Variants in GALNTL6 observed in about 807,000 individuals in gnomAD.
GALNTL6 encodes polypeptide N-acetylgalactosaminyltransferase-like 6.
In GALNTL6, 46 loss-of-function variants were observed where a neutral mutation model predicts 73.7. The ratio of observed to expected loss-of-function variants is 0.62; its 90% CI spans 0.49 to 0.80. GALNTL6 has a LOEUF of 0.80. GALNTL6 is among the 30% of genes least tolerant of loss of function. GALNTL6 has a pLI of 0.00. For missense variants in GALNTL6, 604 were observed against 755.0 expected (o/e 0.80, Z 2.34); for synonymous variants, 259 against 263.7 (o/e 0.98, Z 0.17).
intron 2 of GALNTL6, among the ~76,000 whole-genome samples, chr4:172,156,339 G>A (rs1435184538): frequency 6.6e-6 from 1 of 151,772 alleles, no homozygotes; most frequent in Non-Finnish European, 1.5e-5. Flanking sequence ...TAAGCTTTCA[G>A]GCCCCGGGGG....
chr4:172,514,869 G>A (rs1265053776), intron 5 of GALNTL6, among the ~76,000 whole-genome samples: 1 of 152,128 alleles, frequency 6.6e-6, no homozygotes, highest in Non-Finnish European at 1.5e-5. Context: ...CCCATGATCT[G>A]GATTTTCAGG....
intron 9 of GALNTL6, among the ~76,000 whole-genome samples, chr4:172,943,540 C>T (rs1749015372): frequency 6.6e-6 from 1 of 152,188 alleles, no homozygotes; most frequent in Non-Finnish European, 1.5e-5. Flanking sequence ...GTTGTTTCTG[C>T]TTAATAGTCT....
chr4:172,824,160 G>C (rs1010244618), intron 7 of GALNTL6, among the ~76,000 whole-genome samples: 5 of 152,150 alleles, frequency 3.3e-5, no homozygotes, highest in Non-Finnish European at 7.3e-5. Flanking sequence ...AGAAAACTAA[G>C]CCTTACATGT....
Position 172,379,546 on chromosome 4 carries a change from A to AG in GALNTL6, c.553+30857_553+30858insG, listed in dbSNP as rs1335160940. ...AGCGAGACTCCGTCTCAAAAAAAAAAAAAAAAAAAAAGAACGGGTTAGCTG... is the reference window on the plus strand; with the variant it reads ...AGCGAGACTCCGTCTCAAAAAAAAAAGAAAAAAAAAAAGAACGGGTTAGCTG... On this transcript the variant is annotated intron_variant, in intron 5 of 12. Transcript: ENST00000506823. Among the ~76,000 whole-genome samples, 54 of 145,480 alleles carry AG rather than the reference A, an allele frequency of 3.7e-4. 2 individuals are homozygous for AG. The highest frequency in any genetic ancestry group is 1.4e-3 in the African/African-American group (53 of 36,786).
At chr4:172,471,002 C>T (rs940183059) in intron 5 of GALNTL6, among the ~76,000 whole-genome samples, 1 of 152,108 alleles carries the variant, frequency 6.6e-6, no homozygotes, top group Non-Finnish European at 1.5e-5. Flanking sequence ...TTTGTACGTA[C>T]CAGTTAATAA....
chr4:172,384,778 T>G (rs536834368), intron 5 of GALNTL6, among the ~76,000 whole-genome samples: 6 of 152,164 alleles, frequency 3.9e-5, no homozygotes, highest in Admixed American at 2.0e-4. Context: ...CCAAAAGGTT[T>G]GTTTGTTCGT....
intron 12 of GALNTL6, among the ~76,000 whole-genome samples, chr4:173,033,216 G>A (rs1042092153): frequency 6.6e-6 from 1 of 151,730 alleles, no homozygotes; most frequent in Non-Finnish European, 1.5e-5. Context: ...TGGCCAGTCT[G>A]GTCTCAAACT....
chr4:172,730,112 G>C (rs936852894), intron 5 of GALNTL6, among the ~76,000 whole-genome samples: 1 of 152,090 alleles, frequency 6.6e-6, no homozygotes, highest in African/African-American at 2.4e-5. Context: ...TCTTTTATCA[G>C]TTCTAACAGT....
chr4:172,318,568 G>C (rs1434623705), intron 4 of GALNTL6, among the ~76,000 whole-genome samples: 4 of 152,096 alleles, frequency 2.6e-5, no homozygotes, highest in Admixed American at 2.0e-4. Flanking sequence ...TGGGCGTGGT[G>C]GTGGGCGCCT....
intron 2 of GALNTL6, among the ~76,000 whole-genome samples, chr4:171,934,312 C>T (rs552336493): frequency 7.2e-4 from 109 of 152,188 alleles, no homozygotes; most frequent in Non-Finnish European, 1.3e-3. Flanking sequence ...AATGCACATT[C>T]ATGGAAGAGT....
intron 2 of GALNTL6, among the ~76,000 whole-genome samples, chr4:172,177,026 C>CTAT (rs1399466873): frequency 6.6e-6 from 1 of 152,092 alleles, no homozygotes; most frequent in Non-Finnish European, 1.5e-5. Context: ...CTTATAGAGT[C>CTAT]ATTATATGAT....
chr4:172,406,892 A>G (rs1484894543), intron 5 of GALNTL6, among the ~76,000 whole-genome samples: 3 of 152,036 alleles, frequency 2.0e-5, no homozygotes, highest in Non-Finnish European at 2.9e-5. Flanking sequence ...CCAAATATTA[A>G]ATAGCTTTCG....
chr4:173,003,057 T>C (rs1048137266), intron 10 of GALNTL6, among the ~76,000 whole-genome samples: 2 of 152,226 alleles, frequency 1.3e-5, no homozygotes, highest in Non-Finnish European at 2.9e-5. Context: ...ATCTTGGTGA[T>C]GGTTACACAA....
At chr4:172,467,855 T>TTTCC (rs1554027357) in intron 5 of GALNTL6, among the ~76,000 whole-genome samples, 1 of 138,944 alleles carries the variant, frequency 7.2e-6, no homozygotes, top group African/African-American at 2.6e-5. Flanking sequence ...TCTTTCTTTC[T>TTTCC]TTCTTTCTTT....
intron 2 of GALNTL6, among the ~76,000 whole-genome samples, chr4:172,124,010 G>A (rs776501743): frequency 7.9e-5 from 12 of 152,040 alleles, no homozygotes; most frequent in Non-Finnish European, 1.5e-4. Flanking sequence ...TCTGAAGGAA[G>A]TGCTTTTAGA....
intron 5 of GALNTL6, among the ~76,000 whole-genome samples, chr4:172,419,842 A>G (rs896101513): frequency 6.6e-5 from 10 of 152,032 alleles, no homozygotes; most frequent in African/African-American, 2.4e-4. Flanking sequence ...TTATTTGCTT[A>G]CTTTTATGGC....
At chr4:172,562,808 T>G (rs1216186037) in intron 5 of GALNTL6, among the ~76,000 whole-genome samples, 1 of 152,226 alleles carries the variant, frequency 6.6e-6, no homozygotes, top group African/African-American at 2.4e-5. Flanking sequence ...TCACAGAGTT[T>G]GCTACCACCA....
At chr4:171,906,740 C>T (rs1371263898) in intron 2 of GALNTL6, among the ~76,000 whole-genome samples, 2 of 152,096 alleles carry the variant, frequency 1.3e-5, no homozygotes, top group South Asian at 2.1e-4. Flanking sequence ...ATGCAAAAAT[C>T]CTGAATAAAA....
intron 7 of GALNTL6, among the ~76,000 whole-genome samples, chr4:172,872,208 T>A (rs1024256601): frequency 1.3e-5 from 2 of 152,196 alleles, no homozygotes; most frequent in Non-Finnish European, 2.9e-5. Flanking sequence ...ATTACATGTA[T>A]CCTCCATGCT....
Sources: gnomAD v4.1 joint callset for allele counts (sites outside exome capture counted in the v4.1 genomes callset) on GRCh38, gnomAD v4.1.1 for gene constraint, MANE v1.5 for transcripts, NCBI Gene and HGNC (gene_info 2026-07-23, HGNC 2026-07-21) for gene names.